CDHR2: variants seen among roughly 807,000 people sequenced by gnomAD.
CDHR2 encodes the protein cadherin related family member 2, also known as cadherin-related family member 2.
In CDHR2, 104 loss-of-function variants were observed where a neutral mutation model predicts 138.6. The observed-to-expected ratio is 0.75, with a 90% CI of 0.64 to 0.88. The LOEUF is 0.88. CDHR2 is among the 40% of genes least tolerant of loss of function. CDHR2 has a pLI of 0.00. For missense variants in CDHR2, 1,624 were observed against 1,727.6 expected, an observed-to-expected ratio of 0.94 and a Z score of 1.06; for synonymous variants, 755 against 742.8, an observed-to-expected ratio of 1.02 and a Z score of -0.27.
chr5:176,594,878 G>A (rs1346288097), intron 31 of CDHR2, among the ~76,000 whole-genome samples: 1 of 152,184 alleles, frequency 6.6e-6, no homozygotes, highest in East Asian at 1.9e-4. Context: ...ATGTCGCATG[G>A]CGAGGTGGAA....
intron 31 of CDHR2, among the ~76,000 whole-genome samples, chr5:176,594,763 G>A (rs1338879502): frequency 6.6e-6 from 1 of 152,230 alleles, no homozygotes; most frequent in African/African-American, 2.4e-5. Flanking sequence ...GGAGGGCGGT[G>A]GTGGCCGGGG....
In CDHR2 at chr5:176,584,817, C is replaced by T. The variant is rs749212175; in HGVS notation, c.2536C>T (p.Leu846Phe). ...CACCAGTGCCCAGCTGGAGATACAG[C>T]TTGTGAACATTCTCTGCACCAAGGC... ...VDTSAQLEIQ[L>F]VNILCTKAGV... The change falls in exon 19 of 32, where the codon CTT becomes TTT. Residue 846 changes from leucine (L) to phenylalanine (F), a missense_variant. Transcript: ENST00000261944. 2.5e-6 allele frequency: 4 copies of T among 1,614,200 alleles called. No homozygotes were observed. Among genetic ancestry groups the T allele is most frequent in the Non-Finnish European group, 3.4e-6 (4 of 1,180,030 alleles).
chr5:176,556,589 C>T (rs1431929284), intron 1 of CDHR2: 3 of 152,160 alleles, frequency 2.0e-5, no homozygotes, highest in Non-Finnish European at 4.4e-5. Context: ...GGCATCAACC[C>T]GGGAGGCGGA....
At chr5:176,547,343 GA>G (rs1213757082), upstream of CDHR2, 8 of 152,098 alleles carry the variant, frequency 5.3e-5, no homozygotes, top group Non-Finnish European at 1.0e-4. Context: ...TGCCTGGGGG[GA>G]AGCTCAGAAC....
Position 176,581,594 on chromosome 5 carries a change from C to A in CDHR2, c.2058+12C>A, listed in dbSNP as rs1310325667. On this transcript the variant is annotated intron_variant, in intron 17 of 31. Coordinates refer to ENST00000261944, the MANE Select transcript of CDHR2 (RefSeq NM_017675.6). ...CCATCACTGTGGAGGTAAGGCCTCG[C>A]TTAGCCAGGATGGGCCTGGGGGCCT... The A allele has an allele frequency of 6.2e-7, 1 of 1,610,818 alleles. No homozygotes were observed. Among genetic ancestry groups the A allele is most frequent in the African/African-American group, 1.3e-5 (1 of 75,024 alleles).
At chr5:176,563,113 C>G (rs1037579287) in intron 1 of CDHR2, among the ~76,000 whole-genome samples, 1 of 152,006 alleles carries the variant, frequency 6.6e-6, no homozygotes, top group East Asian at 1.9e-4. Flanking sequence ...TTTGGGAGGC[C>G]GAGGCAGGCA....
Position 176,578,536 on chromosome 5 carries a change from T to C in CDHR2, c.1746T>C (p.Asn582=), listed in dbSNP as rs748721653. Residue 582 remains asparagine (N), a synonymous_variant, in exon 16 of 32, where the codon AAT becomes AAC. Transcript: ENST00000261944. ...TCCACCTGCTGGACATCAACGACAA[T>C]GCACCCGTGGTTAGCGGCTCCTACA... is the stretch of plus-strand genomic sequence containing the variant. The part of the protein sequence containing the change: ...LQIHLLDIND[N]APVVSGSYNI... 6.2e-7 allele frequency: 1 copy of C among 1,614,140 alleles called. No homozygotes were observed. Among genetic ancestry groups the C allele is most frequent in the Non-Finnish European group, 8.5e-7 (1 of 1,180,030 alleles).
intron 21 of CDHR2, among the ~76,000 whole-genome samples, chr5:176,588,474 AGTGT>A (rs1450841133): frequency 1.4e-5 from 2 of 139,204 alleles, no homozygotes; most frequent in Non-Finnish European, 3.1e-5. Context: ...AGTGTATGTG[AGTGT>A]GAGAGGATAA....
At position 176,589,357 on chromosome 5, in the gene CDHR2, C is replaced by G; in HGVS notation, c.3036C>G (p.Leu1012=). 1 of 1,559,172 alleles carries G rather than the reference C, an allele frequency of 6.4e-7. No individual in the cohort carries two copies. Among genetic ancestry groups the G allele is most frequent in the Admixed American group, 1.8e-5 (1 of 54,496 alleles). Residue 1012 remains leucine, a synonymous_variant, in exon 23 of 32, where the codon CTC becomes CTG. Coordinates refer to ENST00000261944, the MANE Select transcript of CDHR2 (RefSeq NM_017675.6). The part of the protein sequence containing the change: ...IQPVTSLDST[L]QGTYQVTVQA... ...CGGTGACCAGCCTCGACTCCACTCT[C>G]CAAGGCACCTACCAAGTGACAGTCC...
chr5:176,546,798 G>A (rs1471489765), upstream of CDHR2, among the ~76,000 whole-genome samples: 1 of 150,352 alleles, frequency 6.7e-6, no homozygotes, highest in Non-Finnish European at 1.5e-5. Context: ...TGACCCCAGA[G>A]GAGCCTGGTC....
rs10067807 is a variant in CDHR2, at chr5:176,585,064, C to T, written c.2734+49C>T. 6.2e-5 allele frequency: 93 copies of T among 1,495,748 alleles called. No homozygotes were observed. The East Asian group carries it at 8.2e-4, about 13-fold the overall frequency. 92.7% of individuals were successfully genotyped at this position (1,495,748 alleles called of 1,614,324 possible). ...GCTTGGCAGGCCATAGCTTAGGGGC[C>T]GCGGGAAGGAGCCCTGGGCTGGAAC... is the stretch of plus-strand genomic sequence containing the variant. On this transcript the variant is annotated intron_variant, in intron 19 of 31. Transcript: ENST00000261944.
intron 20 of CDHR2, among the ~76,000 whole-genome samples, chr5:176,586,281 C>T (rs528948475): frequency 5.9e-5 from 9 of 152,212 alleles, no homozygotes; most frequent in East Asian, 1.9e-4. Context: ...CTGCAACCTC[C>T]GCCTCCCAGG....
upstream of CDHR2, among the ~76,000 whole-genome samples, chr5:176,545,907 G>A (rs183172458): frequency 4.2e-4 from 64 of 152,350 alleles, no homozygotes; most frequent in African/African-American, 1.4e-3. Flanking sequence ...CTGGCCACAC[G>A]TGCCTCATCG....
chr5:176,590,898 G>T (rs940857102), intron 28 of CDHR2, among the ~76,000 whole-genome samples: 1 of 152,170 alleles, frequency 6.6e-6, no homozygotes, highest in Non-Finnish European at 1.5e-5. Flanking sequence ...TGATTCCTCA[G>T]TGCACTCAAG....
In CDHR2 at chr5:176,568,983, C is replaced by T. The variant is rs747367550; in HGVS notation, c.288C>T (p.Thr96=). ...DYETLYTFKV[T]ISVSDPYIQV... ...AGACACTCTACACATTCAAAGTCACCATCTCCGTGAGCGACCCCTACATCC... is the reference window on the plus strand; with the variant it reads ...AGACACTCTACACATTCAAAGTCACTATCTCCGTGAGCGACCCCTACATCC... Residue 96 remains threonine (T), a synonymous_variant, in exon 5 of 32, where the codon ACC becomes ACT. Coordinates refer to ENST00000261944, the MANE Select transcript of CDHR2 (RefSeq NM_017675.6). 1 of 1,614,136 alleles carries T rather than the reference C, an allele frequency of 6.2e-7. No individual in the cohort carries two copies. Among genetic ancestry groups the T allele is most frequent in the South Asian group, 1.1e-5 (1 of 91,080 alleles).
intron 1 of CDHR2, among the ~76,000 whole-genome samples, chr5:176,558,900 T>C (rs1757904532): frequency 6.6e-6 from 1 of 152,180 alleles, no homozygotes; most frequent in African/African-American, 2.4e-5. Context: ...CCTGATTCTA[T>C]AGGATAAGAG....
In CDHR2 at chr5:176,543,373, C is replaced by T. The variant is rs961647205; in HGVS notation, c.-16+604C>T. On this transcript the variant is annotated intron_variant, in intron 1 of 31. Coordinates refer to the CDHR2 transcript ENST00000510636. The surrounding 1 kb of genome is among the most constrained non-coding windows in gnomAD (Gnocchi z 4.0). ...CGCGCCGCCTGCCGCGGCCCCTCTC[C>T]GGCCCGGTGCAGGGGAACCGTCCGC... Among the ~76,000 whole-genome samples, 1 of 149,724 alleles carries T rather than the reference C, an allele frequency of 6.7e-6. No homozygotes were observed. Among genetic ancestry groups the T allele is most frequent in the African/African-American group, 2.4e-5 (1 of 41,170 alleles).
chr5:176,563,765 G>C (rs1234173896), intron 1 of CDHR2, among the ~76,000 whole-genome samples: 1 of 152,200 alleles, frequency 6.6e-6, no homozygotes, highest in African/African-American at 2.4e-5. Flanking sequence ...GGGGTCTCCT[G>C]GGCCACAAGT....
upstream of CDHR2, among the ~76,000 whole-genome samples, chr5:176,547,133 C>T (rs10072574): frequency 8.9e-4 from 136 of 152,222 alleles, 1 homozygote; most frequent in African/African-American, 3.1e-3. Context: ...CACCTGCCAC[C>T]GTGCACAGCT....
Sources: allele counts gnomAD v4.1 joint callset (sites outside exome capture counted in the v4.1 genomes callset), GRCh38; gene constraint gnomAD v4.1.1; non-coding constraint Gnocchi (gnomAD v3.1); transcripts MANE v1.5; gene names NCBI Gene and HGNC (gene_info 2026-07-23, HGNC 2026-07-21).